The following MICAL2 variants were observed in gnomAD, a reference collection of about 807,000 sequenced individuals.
MICAL2 encodes the protein microtubule associated monooxygenase, calponin and LIM domain containing 2.
MICAL2 carries 77 observed loss-of-function variants against 127.3 expected under a neutral mutation model. That is an observed-to-expected ratio of 0.60 (90% confidence interval 0.50 to 0.73). MICAL2 has a LOEUF of 0.73. MICAL2 is among the 30% of genes least tolerant of loss of function. The pLI, the probability that MICAL2 is intolerant of heterozygous loss-of-function variation, is 0.00. For synonymous variants in MICAL2, 570 were observed against 551.1 expected (o/e 1.03, Z -0.48); for missense variants, 1,351 against 1,434.4 (o/e 0.94, Z 0.94).
intron 4 of MICAL2, among the ~76,000 whole-genome samples, chr11:12,206,055 T>C (rs1854640147): frequency 6.6e-6 from 1 of 152,218 alleles, no homozygotes; most frequent in African/African-American, 2.4e-5. Flanking sequence ...CACTTTGAGA[T>C]GAGAAAATTC....
chr11:12,180,518 C>T (rs1857329701), intron 3 of MICAL2, among the ~76,000 whole-genome samples: 1 of 152,080 alleles, frequency 6.6e-6, no homozygotes, highest in Non-Finnish European at 1.5e-5. Flanking sequence ...CCTGTTCATA[C>T]CGAATGACTT....
intron 3 of MICAL2, among the ~76,000 whole-genome samples, chr11:12,169,286 A>G (rs964251760): frequency 6.6e-6 from 1 of 152,038 alleles, no homozygotes; most frequent in African/African-American, 2.4e-5. Flanking sequence ...TATCTTTGAG[A>G]TTGCTTTATC....
intron 3 of MICAL2, among the ~76,000 whole-genome samples, chr11:12,192,091 T>C (rs957098626): frequency 2.2e-5 from 3 of 139,292 alleles, no homozygotes; most frequent in Non-Finnish European, 4.7e-5. Flanking sequence ...CAAGGGGTTA[T>C]GGGGAGGGAT....
chr11:12,339,859 G>T (rs1048099061), intron 32 of MICAL2, among the ~76,000 whole-genome samples: 14 of 152,104 alleles, frequency 9.2e-5, no homozygotes, highest in Admixed American at 7.9e-4. Context: ...TGCCCCTACT[G>T]GGGGGTGCCT....
intron 1 of MICAL2, among the ~76,000 whole-genome samples, chr11:12,133,888 T>C (rs1851625383): frequency 6.6e-6 from 1 of 152,156 alleles, no homozygotes; most frequent in South Asian, 2.1e-4. Flanking sequence ...TAGTTATGAA[T>C]AAAGGAGCAG....
intron 4 of MICAL2, among the ~76,000 whole-genome samples, chr11:12,205,487 A>G (rs1002208876): frequency 6.6e-5 from 10 of 152,220 alleles, no homozygotes; most frequent in Admixed American, 6.5e-5. Context: ...GGATTTTGGC[A>G]TACTCAGGGG....
intron 1 of MICAL2, among the ~76,000 whole-genome samples, chr11:12,137,622 T>TG (rs1304613922): frequency 1.3e-5 from 2 of 152,114 alleles, no homozygotes; most frequent in Non-Finnish European, 2.9e-5. Context: ...AGTGTGTGTG[T>TG]GGGGGGCACC....
chr11:12,322,933 A>C (rs1396517772), intron 30 of MICAL2, among the ~76,000 whole-genome samples: 1 of 152,206 alleles, frequency 6.6e-6, no homozygotes, highest in African/African-American at 2.4e-5. Context: ...CCTACAAAGT[A>C]GGCAGTAAAT....
At chr11:12,222,850 C>T in intron 11 of MICAL2, 107 bp downstream of exon 11, 10 of 1,403,732 alleles carry the variant, frequency 7.1e-6, no homozygotes, top group Non-Finnish European at 9.6e-6. Context: ...GGGACTAAGG[C>T]CACCAAGGCC....
rs1412283723 is a variant in MICAL2, at chr11:12,222,736, C to T, written c.1442C>T (p.Pro481Leu). The change falls in exon 11 of 28, where the codon CCC becomes CTC. Residue 481 changes from proline to leucine, a missense_variant. Pro to Leu is a moderately conservative substitution (Grantham distance 98). Coordinates refer to ENST00000683283, the MANE Select transcript of MICAL2 (RefSeq NM_001282663.2). ...AACCTCAACTCACACTGTGTCAGGC[C>T]CCATCAGGCAAGTCCATTGCTGGGG... ...YPNLNSHCVR[P>L]HQVKHLYITK... The T allele has an allele frequency of 1.2e-6, 2 of 1,614,166 alleles. No individual in the cohort carries two copies. The highest frequency in any genetic ancestry group is 1.7e-5 in the Admixed American group (1 of 60,028).
At chr11:12,302,677 T>G (rs933495432) in intron 29 of MICAL2, among the ~76,000 whole-genome samples, 3 of 152,160 alleles carry the variant, frequency 2.0e-5, no homozygotes, top group African/African-American at 7.2e-5. Context: ...AGTACCTTTT[T>G]TTTTTAAGAG....
At chr11:12,227,223 T>C in intron 15 of MICAL2, 92 bp downstream of exon 15, 1 of 930,446 alleles carries the variant, frequency 1.1e-6, no homozygotes, top group Admixed American at 2.2e-5. Flanking sequence ...CTGTTGAGGC[T>C]AGTAAGTTAC....
rs1859886054 is a variant in MICAL2, at chr11:12,241,166, G to A, written c.2337+4G>A. ...ATCACCTCCTCTGAAAAGGCAGGTA[G>A]GGCTCCTTCCAGTGGATGCTGTTTT... On this transcript the variant is annotated splice_donor_region_variant and intron_variant, in intron 18 of 27. Transcript: ENST00000683283. The A allele has an allele frequency of 1.2e-6, 2 of 1,612,604 alleles. No individual in the cohort carries two copies. Among genetic ancestry groups the A allele is most frequent in the Non-Finnish European group, 1.7e-6 (2 of 1,179,288 alleles).
chr11:12,216,332 T>G lies in MICAL2; in HGVS notation c.948+13T>G. The stretch of plus-strand genomic sequence containing the variant: ...TGTCATCATTAACGTACGTACCTCT[T>G]GGCTGCGATTTCCCGACTTCGCGAC... On this transcript the variant is annotated intron_variant, in intron 8 of 27. Transcript: ENST00000683283. The G allele has an allele frequency of 6.2e-7, 1 of 1,602,592 alleles. No homozygotes were observed. Among genetic ancestry groups the G allele is most frequent in the Non-Finnish European group, 8.5e-7 (1 of 1,169,828 alleles).
At chr11:12,304,665 C>T (rs552683648) in intron 29 of MICAL2, among the ~76,000 whole-genome samples, 5,802 of 151,070 alleles carry the variant, frequency 0.038, 226 homozygotes, top group Admixed American at 0.11. Flanking sequence ...CACACACACA[C>T]ACACACACAC....
Position 12,213,253 on chromosome 11 carries a change from AG to A in MICAL2, c.693del. ...CCCACTTTTTCATTTCTCCTCATGC[AG>A]GGTTCAGAAGAAAAGAATTCCGTGG... On this transcript the variant is annotated splice_acceptor_variant, in intron 6 of 27. Transcript: ENST00000683283. LOFTEE classifies it high-confidence loss of function. The A allele has an allele frequency of 6.2e-7, 1 of 1,600,320 alleles. No homozygotes were observed. The highest frequency in any genetic ancestry group is 8.5e-7 in the Non-Finnish European group (1 of 1,172,956).
In MICAL2 at chr11:12,221,684, T is replaced by C. The variant is rs768912416; in HGVS notation, c.1247T>C (p.Leu416Pro). 4 of 1,613,930 alleles carry C rather than the reference T, an allele frequency of 2.5e-6. No homozygotes were observed. The highest frequency in any genetic ancestry group is 3.4e-6 in the Non-Finnish European group (4 of 1,179,890). The change falls in exon 10 of 28, where the codon CTG becomes CCG. Residue 416 changes from leucine (L) to proline (P), a missense_variant. Around this residue, in one of 2 missense-constraint regions of MICAL2, gnomAD observed 599 missense variants for 714.9 expected, o/e 0.84. Coordinates refer to ENST00000683283, the MANE Select transcript of MICAL2 (RefSeq NM_001282663.2). Reference protein sequence around the residue: ...PMGTGCARGFLAAFDTAWMVK... With the variant: ...PMGTGCARGFPAAFDTAWMVK... The stretch of plus-strand genomic sequence containing the variant: ...GGTACAGGCTGTGCCCGTGGCTTCC[T>C]GGCAGCCTTTGACACGGCATGGATG...
At chr11:12,180,349 A>ATATATATATATATATATATATATATATAT (rs11403732) in intron 3 of MICAL2, among the ~76,000 whole-genome samples, 9 of 139,708 alleles carry the variant, frequency 6.4e-5, no homozygotes, top group African/African-American at 1.9e-4. Context: ...ATATGTATAT[A>ATATATATATATATATATATATATATATAT]TTTTTTTTTT....
chr11:12,148,042 C>A (rs1424658217), intron 2 of MICAL2, among the ~76,000 whole-genome samples: 2 of 151,790 alleles, frequency 1.3e-5, no homozygotes, highest in Non-Finnish European at 2.9e-5. Flanking sequence ...TCCAGCCCAT[C>A]CCTTAAGATC....
Sources: gnomAD v4.1 joint callset for allele counts (sites outside exome capture counted in the v4.1 genomes callset) on GRCh38, gnomAD v4.1.1 for gene constraint, gnomAD v4.1.1 regional missense constraint, MANE v1.5 for transcripts, NCBI Gene and HGNC (gene_info 2026-07-23, HGNC 2026-07-21) for gene names.